The following ZNF592 variants were observed in gnomAD, a reference collection of about 807,000 sequenced individuals.
ZNF592 encodes the protein spinocerebellar ataxia, autosomal recessive 5.
In ZNF592, 11 loss-of-function variants were observed where a neutral mutation model predicts 80.3. That is an observed-to-expected ratio of 0.14 (90% confidence interval 0.09 to 0.23). The LOEUF (loss-of-function observed/expected upper bound fraction) is 0.23, where lower values mean the gene tolerates loss of function less well. ZNF592 is among the 10% of genes least tolerant of loss of function. ZNF592 has a pLI of 1.00. For synonymous variants in ZNF592, 646 were observed against 640.3 expected (o/e 1.01, Z -0.13); for missense variants, 1,420 against 1,633.9 (o/e 0.87, Z 2.26).
intron 5 of ZNF592, among the ~76,000 whole-genome samples, chr15:84,795,096 A>G (rs1424218682): frequency 6.7e-6 from 1 of 150,360 alleles, no homozygotes. Context: ...AGTATATAAA[A>G]TTTATATGTA....
chr15:84,750,149 C>A (rs182291283), intron 1 of ZNF592, among the ~76,000 whole-genome samples: 1 of 152,136 alleles, frequency 6.6e-6, no homozygotes, highest in Non-Finnish European at 1.5e-5. Flanking sequence ...TAAAAAAATA[C>A]AAAATTAGCC....
At position 84,748,613 on chromosome 15, in the gene ZNF592, G is replaced by T; in HGVS notation, c.-310G>T. The T allele has an allele frequency of 6.8e-6, 1 of 147,340 alleles. No individual in the cohort carries two copies. Among genetic ancestry groups the T allele is most frequent in the South Asian group, 1.8e-4 (1 of 5,502 alleles). The allele number at this position is 147,340 out of a possible 1,614,324, so 9.1% of individuals were successfully genotyped here. A position where few individuals can be genotyped will look rare whatever the true frequency, so the allele number is the denominator to read the frequency against. On this transcript the variant is annotated 5_prime_UTR_variant, in exon 1 of 11. Coordinates refer to ENST00000560079, the MANE Select transcript of ZNF592 (RefSeq NM_014630.3). ...TGTTGTGGCTCCCGCAGCCGGCGCT[G>T]GGGACGCGCGCGGCCGAGACTCTGG... is the stretch of plus-strand genomic sequence containing the variant.
chr15:84,801,810 G>A (rs1434245007), intron 10 of ZNF592, 53 bp from the exon 11 acceptor site: 3 of 1,613,592 alleles, frequency 1.9e-6, no homozygotes, highest in Non-Finnish European at 2.5e-6. Flanking sequence ...TATGTCTAGG[G>A]GCTCATGTCC....
chr15:84,765,547 T>TTG (rs764524471), intron 2 of ZNF592, among the ~76,000 whole-genome samples: 8 of 143,772 alleles, frequency 5.6e-5, no homozygotes, highest in African/African-American at 2.1e-4. Context: ...TTTTTTTTTT[T>TTG]TTTTTTTTTT....
chr15:84,797,647 G>A (rs1962955717), intron 5 of ZNF592, among the ~76,000 whole-genome samples: 1 of 152,250 alleles, frequency 6.6e-6, no homozygotes, highest in Admixed American at 6.5e-5. Flanking sequence ...TACAAGGCGT[G>A]GCCTTGGGCT....
rs2141524672 is a variant in ZNF592 at position 84,798,967 on chromosome 15, C to A, written c.3024+92C>A. 1 of 1,592,006 alleles carries A rather than the reference C, an allele frequency of 6.3e-7. No homozygotes were observed. Among genetic ancestry groups the A allele is most frequent in the Non-Finnish European group, 8.6e-7 (1 of 1,165,458 alleles). ...CCCCTAGGGTTCCTGGTGCTTAGGG[C>A]AGGGTGGGTACCACAGATCTTGAGG... On this transcript the variant is annotated intron_variant, in intron 8 of 10. Coordinates refer to ENST00000560079, the MANE Select transcript of ZNF592 (RefSeq NM_014630.3). This position sits in a 1 kb window ranked among gnomAD's most constrained non-coding sequence, Gnocchi z 4.5.
intron 1 of ZNF592, among the ~76,000 whole-genome samples, chr15:84,759,199 C>T (rs577440354): frequency 9.2e-5 from 14 of 152,256 alleles, no homozygotes; most frequent in South Asian, 4.1e-4. Flanking sequence ...AGATGAACTT[C>T]GCCCTCCAGG....
At chr15:84,775,609 T>C (rs1166371613) in intron 2 of ZNF592, among the ~76,000 whole-genome samples, 1 of 152,048 alleles carries the variant, frequency 6.6e-6, no homozygotes, top group Non-Finnish European at 1.5e-5. Context: ...ATTTTTGTAT[T>C]TTTAGTAGAG....
At chr15:84,764,215 T>TCCTCTCTGC (rs1034789058) in intron 1 of ZNF592, among the ~76,000 whole-genome samples, 1 of 152,138 alleles carries the variant, frequency 6.6e-6, no homozygotes, top group Admixed American at 6.5e-5. Flanking sequence ...TGTCTTTCTG[T>TCCTCTCTGC]CCTCTCTGCA....
At position 84,798,792 on chromosome 15, in the gene ZNF592, A is replaced by C. The variant is rs1308686706; in HGVS notation, c.2941A>C (p.Thr981Pro). Residue 981 changes from threonine to proline, a missense_variant, in exon 8 of 11, where the codon ACT (threonine) becomes CCT (proline). This residue lies in a region of ZNF592 where 331 missense variants were observed against 347.0 expected (regional missense o/e 0.95). Transcript: ENST00000560079. This position sits in a 1 kb window ranked among gnomAD's most constrained non-coding sequence, Gnocchi z 4.5. ...RVEARPRLRN[T>P]GWTCQECQEW... is the part of the protein sequence containing the mutation. ...GGAAGCCAGGCCGCGGCTGAGGAAC[A>C]CTGGCTGGACCTGCCAGGAGTGCCA... 1 of 1,602,232 alleles carries C rather than the reference A, an allele frequency of 6.2e-7. No individual in the cohort carries two copies. The highest frequency in any genetic ancestry group is 1.3e-5 in the African/African-American group (1 of 74,908).
At chr15:84,753,903 T>G (rs1288686259) in intron 1 of ZNF592, among the ~76,000 whole-genome samples, 1 of 152,222 alleles carries the variant, frequency 6.6e-6, no homozygotes, top group Non-Finnish European at 1.5e-5. Context: ...ATCTGTGTGT[T>G]TTCATTTGTG....
At position 84,798,384 on chromosome 15, in the gene ZNF592, G is replaced by C. The variant is rs766607014; in HGVS notation, c.2646G>C (p.Gln882His). 3 of 1,614,202 alleles carry C rather than the reference G, an allele frequency of 1.9e-6. No individual in the cohort carries two copies. The highest frequency in any genetic ancestry group is 2.5e-6 in the Non-Finnish European group (3 of 1,180,030). ...GGCACATTCAGCAGCATTTTTACCA[G>C]AATGTCAGCAAGACGCAGGTGGGCG... Reference protein sequence around the residue: ...KKRHIQQHFYQNVSKTQVGVF... With the variant: ...KKRHIQQHFYHNVSKTQVGVF... The change falls in exon 7 of 11, where the codon CAG becomes CAC. Residue 882 changes from glutamine to histidine, a missense_variant. By Grantham distance (24) the Gln-to-His change is conservative. Around this residue, in one of 7 missense-constraint regions of ZNF592, gnomAD observed 331 missense variants for 347.0 expected, o/e 0.95. Transcript: ENST00000560079. The surrounding 1 kb of genome is among the most constrained non-coding windows in gnomAD (Gnocchi z 4.5).
chr15:84,787,891 C>T (rs958301735), intron 4 of ZNF592, among the ~76,000 whole-genome samples: 2 of 152,206 alleles, frequency 1.3e-5, no homozygotes, highest in African/African-American at 2.4e-5. Flanking sequence ...CTTCCCACTC[C>T]ATCCTAGTAG....
Position 84,782,642 on chromosome 15 carries a change from C to T in ZNF592, c.-19-15C>T. ...CCCTGGTGGTCACTGATTCTGTTTT[C>T]TGTTTCTGTTACAGCCCTTGCCAGC... On this transcript the variant is annotated splice_polypyrimidine_tract_variant and intron_variant, in intron 3 of 10. Coordinates refer to ENST00000560079, the MANE Select transcript of ZNF592 (RefSeq NM_014630.3). The T allele has an allele frequency of 6.2e-7, 1 of 1,613,394 alleles. No homozygotes were observed. The highest frequency in any genetic ancestry group is 8.5e-7 in the Non-Finnish European group (1 of 1,179,604).
Position 84,790,814 on chromosome 15 carries a change from G to T in ZNF592, c.2330G>T (p.Cys777Phe). 6.2e-7 allele frequency: 1 copy of T among 1,614,230 alleles called. No homozygotes were observed. The highest frequency in any genetic ancestry group is 8.5e-7 in the Non-Finnish European group (1 of 1,180,046). ...TGCTGCCCGGAGTGTGGGGTCCTCTGCCGCTCTGCCTACTTCCAGACCCAT... is the reference window on the plus strand; with the variant it reads ...TGCTGCCCGGAGTGTGGGGTCCTCTTCCGCTCTGCCTACTTCCAGACCCAT... ...PYCCPECGVLCRSAYFQTHVK... is the reference protein window; with the variant it reads ...PYCCPECGVLFRSAYFQTHVK... The change falls in exon 5 of 11, where the codon TGC (cysteine) becomes TTC (phenylalanine). Residue 777 changes from cysteine (C) to phenylalanine (F), a missense_variant. By Grantham distance (205) the Cys-to-Phe change is radical. Transcript: ENST00000560079.
chr15:84,795,544 G>A (rs192827329), intron 5 of ZNF592, among the ~76,000 whole-genome samples: 6 of 152,344 alleles, frequency 3.9e-5, no homozygotes, highest in Admixed American at 3.9e-4. Context: ...TATTTCTGCA[G>A]GAGTTTGGTC....
At chr15:84,764,671 C>G in intron 1 of ZNF592, 36 bp from the exon 2 acceptor site, 1 of 398,520 alleles carries the variant, frequency 2.5e-6, no homozygotes, top group Non-Finnish European at 4.4e-6. Context: ...CCTTCAGACC[C>G]ACTTAAAAAA....
chr15:84,795,157 C>G (rs1962859373), intron 5 of ZNF592, among the ~76,000 whole-genome samples: 1 of 151,456 alleles, frequency 6.6e-6, no homozygotes, highest in South Asian at 2.1e-4. Context: ...ATAAATTATT[C>G]TGTTCTTTAT....
intron 2 of ZNF592, among the ~76,000 whole-genome samples, chr15:84,772,013 A>G (rs985064005): frequency 3.3e-5 from 5 of 152,206 alleles, no homozygotes; most frequent in African/African-American, 1.2e-4. Context: ...GTTTAATTTT[A>G]CATACTAAAC....
Sources: gnomAD v4.1 joint callset for allele counts (sites outside exome capture counted in the v4.1 genomes callset) on GRCh38, gnomAD v4.1.1 for gene constraint, gnomAD v4.1.1 regional missense constraint, Gnocchi (gnomAD v3.1) non-coding constraint, MANE v1.5 for transcripts, NCBI Gene and HGNC (gene_info 2026-07-23, HGNC 2026-07-21) for gene names.